The following JAKMIP2 variants were observed in gnomAD, a reference collection of about 807,000 sequenced individuals.
The protein encoded by JAKMIP2 is janus kinase and microtubule-interacting protein 2.
A neutral mutation model predicts 115.0 loss-of-function variants in JAKMIP2; 25 were observed. That is an observed-to-expected ratio of 0.22 (90% confidence interval 0.16 to 0.30). The LOEUF is 0.30. JAKMIP2 is among the 10% of genes least tolerant of loss of function. JAKMIP2 has a pLI of 1.00. For missense variants in JAKMIP2, 642 were observed against 957.6 expected, an observed-to-expected ratio of 0.67 and a Z score of 4.35; for synonymous variants, 334 against 343.6, an observed-to-expected ratio of 0.97 and a Z score of 0.31.
chr5:147,683,443 G>A (rs1429843163), intron 1 of JAKMIP2, among the ~76,000 whole-genome samples: 2 of 152,134 alleles, frequency 1.3e-5, no homozygotes, highest in Non-Finnish European at 2.9e-5. Context: ...AGTGAGCCAA[G>A]ATCATGCCAC....
chr5:147,589,233 G>A lies in JAKMIP2; in HGVS notation c.*2474C>T, dbSNP rs977177024. 1 of 152,228 alleles carries A rather than the reference G, an allele frequency of 6.6e-6. No homozygotes were observed. The highest frequency in any genetic ancestry group is 2.4e-5 in the African/African-American group (1 of 41,422). The allele number at this position is 152,228 out of a possible 1,614,324, so 9.4% of individuals were successfully genotyped here. A position where few individuals can be genotyped will look rare whatever the true frequency, so the allele number is the denominator to read the frequency against. ...AGGCTGAGGCAGGCAGATCACTTGA[G>A]GTCAGGAGTTCGAGACCAGCCTGAC... On this transcript the variant is annotated 3_prime_UTR_variant, in exon 22 of 22. Coordinates refer to ENST00000616793, the MANE Select transcript of JAKMIP2 (RefSeq NM_001270941.2).
intron 1 of JAKMIP2, among the ~76,000 whole-genome samples, chr5:147,719,308 A>G (rs1203816673): frequency 7.3e-6 from 1 of 136,912 alleles, no homozygotes; most frequent in African/African-American, 3.0e-5. Flanking sequence ...GTGGTGCTGA[A>G]AAAAATGTAT....
intron 1 of JAKMIP2, among the ~76,000 whole-genome samples, chr5:147,708,768 G>A (rs1022159994): frequency 3.9e-5 from 6 of 152,164 alleles, no homozygotes; most frequent in African/African-American, 1.4e-4. Flanking sequence ...CGACAGTTAT[G>A]AGAGACCTCA....
chr5:147,592,019 C>T (rs1755121562), intron 21 of JAKMIP2, among the ~76,000 whole-genome samples: 1 of 152,100 alleles, frequency 6.6e-6, no homozygotes, highest in Non-Finnish European at 1.5e-5. Context: ...AATAATCATG[C>T]CCCAACATAT....
At chr5:147,661,468 A>T in intron 2 of JAKMIP2, 23 bp from the exon 3 acceptor site, 1 of 1,591,736 alleles carries the variant, frequency 6.3e-7, no homozygotes, top group Non-Finnish European at 8.6e-7. Context: ...AGGCGAAATG[A>T]TGAAGAGAAA....
intron 1 of JAKMIP2, among the ~76,000 whole-genome samples, chr5:147,757,552 C>A (rs1020324161): frequency 7.2e-5 from 11 of 152,144 alleles, no homozygotes; most frequent in Admixed American, 6.5e-4. Context: ...AGAATCCAGC[C>A]TCTGTTCTTT....
intron 1 of JAKMIP2, among the ~76,000 whole-genome samples, chr5:147,694,408 C>T (rs756196968): frequency 6.6e-5 from 10 of 152,156 alleles, no homozygotes; most frequent in Non-Finnish European, 8.8e-5. Flanking sequence ...GGGCTGTCTA[C>T]ACCACAAGCA....
chr5:147,776,520 G>A (rs1030434894), intron 1 of JAKMIP2, among the ~76,000 whole-genome samples: 7 of 152,128 alleles, frequency 4.6e-5, no homozygotes, highest in African/African-American at 7.2e-5. Context: ...TACATTACCC[G>A]GTCTTGGGTA....
chr5:147,645,477 TCTC>T (rs1365776175), intron 5 of JAKMIP2, among the ~76,000 whole-genome samples: 3 of 152,060 alleles, frequency 2.0e-5, no homozygotes, highest in Non-Finnish European at 2.9e-5. Context: ...CTTGTGGAAA[TCTC>T]CTGACTCGCA....
intron 2 of JAKMIP2, 52 bp downstream of exon 2, chr5:147,671,626 G>A: frequency 7.5e-7 from 1 of 1,332,658 alleles, no homozygotes; most frequent in Middle Eastern, 2.8e-4. Flanking sequence ...GCTGCATGTG[G>A]ACACAGCCAG....
At chr5:147,653,571 T>C (rs1188741625) in intron 3 of JAKMIP2, among the ~76,000 whole-genome samples, 1 of 131,130 alleles carries the variant, frequency 7.6e-6, no homozygotes, top group African/African-American at 2.9e-5. Flanking sequence ...TTGCTTTTTC[T>C]TGTAAATTTG....
chr5:147,776,338 C>G (rs111936191), intron 1 of JAKMIP2, among the ~76,000 whole-genome samples: 1 of 151,996 alleles, frequency 6.6e-6, no homozygotes. Flanking sequence ...TAAGTTCTCA[C>G]GAGAGCTGAT....
At chr5:147,707,541 T>C (rs772157916) in intron 1 of JAKMIP2, among the ~76,000 whole-genome samples, 5 of 151,764 alleles carry the variant, frequency 3.3e-5, no homozygotes, top group Non-Finnish European at 7.4e-5. Context: ...CTAGGCCCCA[T>C]GAGATTTTCT....
At chr5:147,683,040 G>A (rs1008283432) in intron 1 of JAKMIP2, among the ~76,000 whole-genome samples, 1 of 152,188 alleles carries the variant, frequency 6.6e-6, no homozygotes, top group African/African-American at 2.4e-5. Flanking sequence ...TTTTACAGCT[G>A]TTGCAGAGTA....
intron 2 of JAKMIP2, among the ~76,000 whole-genome samples, chr5:147,664,257 A>T (rs1251161052): frequency 6.6e-6 from 1 of 152,118 alleles, no homozygotes; most frequent in Non-Finnish European, 1.5e-5. Context: ...TCCTGGTGAT[A>T]TTCTCTTAGT....
At chr5:147,721,815 C>G (rs910318352) in intron 1 of JAKMIP2, among the ~76,000 whole-genome samples, 3 of 152,160 alleles carry the variant, frequency 2.0e-5, no homozygotes, top group Non-Finnish European at 4.4e-5. Flanking sequence ...TCTTCTGCGT[C>G]GCTCATGCTG....
At chr5:147,618,859 C>T (rs1399941607) in intron 18 of JAKMIP2, among the ~76,000 whole-genome samples, 1 of 152,196 alleles carries the variant, frequency 6.6e-6, no homozygotes, top group Non-Finnish European at 1.5e-5. Context: ...GAACAAAATA[C>T]TGCCCCCGTT....
At chr5:147,644,751 C>T (rs1484289238) in intron 6 of JAKMIP2, 99 bp downstream of exon 6, 1 of 1,082,898 alleles carries the variant, frequency 9.2e-7, no homozygotes, top group Non-Finnish European at 1.3e-6. Flanking sequence ...ATCCAAATAG[C>T]ACTGTATTTT....
intron 12 of JAKMIP2, 61 bp downstream of exon 12, chr5:147,636,161 C>T: frequency 7.2e-7 from 1 of 1,396,486 alleles, no homozygotes; most frequent in Non-Finnish European, 1.0e-6. Context: ...GCACCCCCTG[C>T]TGCTCCTGGA....
Sources: allele counts gnomAD v4.1 joint callset (sites outside exome capture counted in the v4.1 genomes callset), GRCh38; gene constraint gnomAD v4.1.1; transcripts MANE v1.5; gene names NCBI Gene and HGNC (gene_info 2026-07-23, HGNC 2026-07-21).